Variants in NEK10 observed in about 807,000 individuals in gnomAD.
NEK10 encodes the protein serine/threonine-protein kinase Nek10.
A neutral mutation model predicts 159.8 loss-of-function variants in NEK10; 122 were observed. The observed-to-expected ratio is 0.76, with a 90% CI of 0.66 to 0.89. The LOEUF is 0.89. Ranked by LOEUF, NEK10 falls within the 40% of genes least tolerant of loss-of-function variation. The probability of loss-of-function intolerance (pLI) is 0.00; values close to 1 mark genes in which losing one functional copy is unlikely to be tolerated. For synonymous variants in NEK10, 466 were observed against 457.1 expected, an observed-to-expected ratio of 1.02 and a Z score of -0.25; for missense variants, 1,342 against 1,323.1, an observed-to-expected ratio of 1.01 and a Z score of -0.22.
At chr3:27,182,422 C>G (rs915849025) in intron 26 of NEK10, among the ~76,000 whole-genome samples, 1 of 152,084 alleles carries the variant, frequency 6.6e-6, no homozygotes, top group South Asian at 2.1e-4. Context: ...TAAGAAGAGA[C>G]ATATAATCCA....
intron 1 of NEK10, among the ~76,000 whole-genome samples, chr3:27,365,619 T>TTTTTTTTTTTTTTG (rs1559571627): frequency 5.1e-5 from 7 of 137,826 alleles, no homozygotes; most frequent in African/African-American, 8.3e-5. Flanking sequence ...TGTTTTTTTT[T>TTTTTTTTTTTTTTG]TTTTTTTTTT....
rs574758347 is a variant in NEK10, at chr3:27,322,984, C to A, written c.363-723G>T. ...CACAGTGTCCCCTGGGAGTTCTCTGCAGCCCTGAGGCAGTTTGGTGCTCAG... is the reference window on the plus strand; with the variant it reads ...CACAGTGTCCCCTGGGAGTTCTCTGAAGCCCTGAGGCAGTTTGGTGCTCAG... On this transcript the variant is annotated intron_variant, in intron 5 of 35. Coordinates refer to ENST00000691995, the MANE Select transcript of NEK10 (RefSeq NM_001394966.1). Among the ~76,000 whole-genome samples the A allele has an allele frequency of 6.6e-5, 10 of 152,276 alleles. No individual in the cohort carries two copies. The South Asian group carries it at 1.9e-3, about 28-fold the overall frequency.
chr3:27,291,173 A>G, intron 18 of NEK10, 89 bp downstream of exon 18: 1 of 1,219,912 alleles, frequency 8.2e-7, no homozygotes, highest in Non-Finnish European at 1.2e-6. Flanking sequence ...TTCAATGACA[A>G]GAGTTCTAAT....
At chr3:27,349,792 C>T (rs531427160) in intron 3 of NEK10, among the ~76,000 whole-genome samples, 1 of 152,248 alleles carries the variant, frequency 6.6e-6, no homozygotes, top group African/African-American at 2.4e-5. Flanking sequence ...TGGGGCAGTT[C>T]TTTCTCTTGA....
intron 23 of NEK10, among the ~76,000 whole-genome samples, chr3:27,250,066 CTA>C (rs1559361017): frequency 1.3e-5 from 2 of 152,088 alleles, no homozygotes; most frequent in Non-Finnish European, 2.9e-5. Flanking sequence ...TGTTATTGTG[CTA>C]TGTCTTGAAA....
At chr3:27,144,503 A>G (rs972854712) in intron 30 of NEK10, among the ~76,000 whole-genome samples, 1 of 152,206 alleles carries the variant, frequency 6.6e-6, no homozygotes, top group Non-Finnish European at 1.5e-5. Flanking sequence ...GGCTGAGTCA[A>G]TTTACACTCT....
chr3:27,282,966 C>T (rs1265393641), intron 22 of NEK10, among the ~76,000 whole-genome samples: 1 of 151,950 alleles, frequency 6.6e-6, no homozygotes, highest in Admixed American at 6.6e-5. Context: ...TAAAGATTCA[C>T]AGTTATTTTC....
chr3:27,114,158 C>G (rs906369124), intron 35 of NEK10, among the ~76,000 whole-genome samples: 1 of 152,208 alleles, frequency 6.6e-6, no homozygotes, highest in Non-Finnish European at 1.5e-5. Context: ...TTTCTTTACA[C>G]AGCTTTCTTC....
intron 5 of NEK10, among the ~76,000 whole-genome samples, chr3:27,341,715 C>G (rs1299508951): frequency 6.6e-6 from 1 of 152,022 alleles, no homozygotes. Context: ...ACAAATCAAT[C>G]TTAGGAAAAC....
chr3:27,183,742 C>G (rs184797823), intron 26 of NEK10, among the ~76,000 whole-genome samples: 4 of 152,126 alleles, frequency 2.6e-5, no homozygotes, highest in Admixed American at 2.0e-4. Flanking sequence ...CAAAAACAGA[C>G]AAGTAATCCA....
At chr3:27,139,011 G>C (rs1266453654) in intron 31 of NEK10, among the ~76,000 whole-genome samples, 2 of 152,206 alleles carry the variant, frequency 1.3e-5, no homozygotes, top group Admixed American at 6.5e-5. Context: ...CATGGTCTGA[G>C]ACGTGGAAAG....
intron 25 of NEK10, among the ~76,000 whole-genome samples, chr3:27,197,323 A>G (rs1949645112): frequency 6.6e-6 from 1 of 151,686 alleles, no homozygotes; most frequent in Non-Finnish European, 1.5e-5. Context: ...TTACAGGCGC[A>G]CACCACCAGG....
chr3:27,257,828 A>T (rs1956370189), intron 22 of NEK10, among the ~76,000 whole-genome samples: 1 of 139,374 alleles, frequency 7.2e-6, no homozygotes, highest in Non-Finnish European at 1.5e-5. Flanking sequence ...TCACTCTGTC[A>T]CCTAGTCTGG....
intron 30 of NEK10, among the ~76,000 whole-genome samples, chr3:27,160,999 T>C (rs888331437): frequency 7.9e-5 from 12 of 152,194 alleles, no homozygotes; most frequent in Non-Finnish European, 1.2e-4. Flanking sequence ...TAGCAAACTG[T>C]AGGGATAAGA....
chr3:27,352,133 A>G (rs962291173), intron 3 of NEK10, among the ~76,000 whole-genome samples: 9 of 152,108 alleles, frequency 5.9e-5, no homozygotes, highest in African/African-American at 1.4e-4. Context: ...GAAAATAACA[A>G]TTTCCCTAAA....
intron 20 of NEK10, among the ~76,000 whole-genome samples, chr3:27,286,875 T>C (rs2042655721): frequency 6.6e-6 from 1 of 152,134 alleles, no homozygotes; most frequent in Non-Finnish European, 1.5e-5. Context: ...CAGGATTTAC[T>C]GCATGAGTTT....
intron 23 of NEK10, among the ~76,000 whole-genome samples, chr3:27,233,705 T>TA (rs1218662138): frequency 6.6e-6 from 1 of 152,052 alleles, no homozygotes; most frequent in Non-Finnish European, 1.5e-5. Flanking sequence ...GAAGAGCTGG[T>TA]ACCATTCCTA....
intron 23 of NEK10, among the ~76,000 whole-genome samples, chr3:27,210,987 T>C (rs773482558): frequency 6.6e-6 from 1 of 152,208 alleles, no homozygotes; most frequent in Non-Finnish European, 1.5e-5. Context: ...ATTTTATATC[T>C]AATATACATA....
chr3:27,150,013 C>T (rs1358596100), intron 30 of NEK10, among the ~76,000 whole-genome samples: 1 of 152,154 alleles, frequency 6.6e-6, no homozygotes, highest in Non-Finnish European at 1.5e-5. Context: ...TCAAACCTGC[C>T]ACAACATTCC....
Sources: allele counts gnomAD v4.1 joint callset (sites outside exome capture counted in the v4.1 genomes callset), GRCh38; gene constraint gnomAD v4.1.1; transcripts MANE v1.5; gene names NCBI Gene and HGNC (gene_info 2026-07-23, HGNC 2026-07-21).